Variants in GKAP1 observed in about 807,000 individuals in gnomAD.
GKAP1 encodes the protein G kinase anchoring protein 1, also known as G kinase-anchoring protein 1.
A neutral mutation model predicts 56.7 loss-of-function variants in GKAP1; 31 were observed. The ratio of observed to expected loss-of-function variants is 0.55; its 90% CI spans 0.41 to 0.74. GKAP1 has a LOEUF of 0.74. Ranked by LOEUF, GKAP1 falls within the 30% of genes least tolerant of loss-of-function variation. The pLI, the probability that GKAP1 is intolerant of heterozygous loss-of-function variation, is 0.00. For missense variants in GKAP1, 364 were observed against 402.3 expected, an observed-to-expected ratio of 0.90 and a Z score of 0.82; for synonymous variants, 151 against 138.6, an observed-to-expected ratio of 1.09 and a Z score of -0.63.
At chr9:83,765,660 G>A (rs1053456739) in intron 8 of GKAP1, among the ~76,000 whole-genome samples, 1 of 152,180 alleles carries the variant, frequency 6.6e-6, no homozygotes, top group African/African-American at 2.4e-5. Flanking sequence ...GCGAGATGTG[G>A]AGTCAAAGGA....
Position 83,768,917 on chromosome 9 carries a change from C to T in GKAP1, c.639G>A (p.Leu213=), listed in dbSNP as rs772334709. 1.9e-5 allele frequency: 30 copies of T among 1,609,912 alleles called. No homozygotes were observed. The highest frequency in any genetic ancestry group is 2.5e-5 in the Non-Finnish European group (30 of 1,177,418). Residue 213 remains leucine, a synonymous_variant, in exon 8 of 13, where the codon CTG becomes CTA. Transcript: ENST00000376371. ...LSHDGGFFNR[L]EDDVHKILIR... ...TAAGAATTTTATGAACATCATCTTC[C>T]AGTCTATTGAAGAATCCTCCATCAT...
intron 2 of GKAP1, 121 bp from the exon 3 acceptor site, chr9:83,806,681 G>A: frequency 3.4e-6 from 2 of 589,150 alleles, no homozygotes; most frequent in South Asian, 2.3e-5. Flanking sequence ...TAGTAAATTT[G>A]GATTAATACC....
chr9:83,794,532 AAG>A (rs1944212217), intron 4 of GKAP1, among the ~76,000 whole-genome samples: 1 of 152,218 alleles, frequency 6.6e-6, no homozygotes, highest in Non-Finnish European at 1.5e-5. Flanking sequence ...GATGTCACGT[AAG>A]AGAGAACTTG....
intron 6 of GKAP1, 106 bp downstream of exon 6, chr9:83,784,609 G>A (rs1944032972): frequency 6.0e-6 from 5 of 827,370 alleles, no homozygotes; most frequent in Non-Finnish European, 7.2e-6. Flanking sequence ...CATGATACAT[G>A]AATAACTTTT....
At chr9:83,777,983 T>C (rs539665648) in intron 7 of GKAP1, among the ~76,000 whole-genome samples, 15 of 152,286 alleles carry the variant, frequency 9.8e-5, no homozygotes, top group African/African-American at 3.6e-4. Flanking sequence ...AATTTCGGCA[T>C]ACTTTTAACA....
intron 12 of GKAP1, 24 bp from the exon 13 acceptor site, chr9:83,739,768 G>A (rs779007668): frequency 5.9e-6 from 9 of 1,516,528 alleles, no homozygotes; most frequent in Admixed American, 1.7e-5. Flanking sequence ...AAAAAATAGG[G>A]AAAATTATTT....
intron 11 of GKAP1, among the ~76,000 whole-genome samples, chr9:83,742,230 G>T (rs948619331): frequency 8.7e-5 from 13 of 149,876 alleles, no homozygotes; most frequent in African/African-American, 2.7e-4. Context: ...AGACAATAAG[G>T]ATGTGAAGGG....
intron 7 of GKAP1, among the ~76,000 whole-genome samples, chr9:83,775,959 T>C (rs1269364214): frequency 1.4e-5 from 2 of 147,624 alleles, no homozygotes; most frequent in East Asian, 2.0e-4. Context: ...TAATTAACAG[T>C]TTATAAGAAA....
chr9:83,811,448 T>TA (rs1204627622), intron 2 of GKAP1, among the ~76,000 whole-genome samples: 2 of 152,190 alleles, frequency 1.3e-5, no homozygotes, highest in Non-Finnish European at 2.9e-5. Flanking sequence ...CAATAGATAT[T>TA]AAACGTTTCT....
At chr9:83,790,744 G>A (rs867454746) in intron 4 of GKAP1, among the ~76,000 whole-genome samples, 5 of 151,858 alleles carry the variant, frequency 3.3e-5, no homozygotes, top group South Asian at 4.2e-4. Flanking sequence ...ACCCAGAGGC[G>A]GAGGTTGCAG....
At chr9:83,777,794 G>A (rs931180780) in intron 7 of GKAP1, among the ~76,000 whole-genome samples, 1 of 152,084 alleles carries the variant, frequency 6.6e-6, no homozygotes, top group Non-Finnish European at 1.5e-5. Context: ...AACAAAACTA[G>A]TTCATTTGTA....
chr9:83,745,532 TTTTATCAGTTA>T (rs1331646297), intron 10 of GKAP1, among the ~76,000 whole-genome samples: 1 of 152,226 alleles, frequency 6.6e-6, no homozygotes, highest in African/African-American at 2.4e-5. Flanking sequence ...GAGAGCAAGC[TTTTATCAGTTA>T]ACTTTCTCAA....
At chr9:83,770,241 C>G (rs764755847) in intron 7 of GKAP1, among the ~76,000 whole-genome samples, 6 of 152,136 alleles carry the variant, frequency 3.9e-5, no homozygotes, top group Non-Finnish European at 8.8e-5. Context: ...TTGCTTAACT[C>G]AAAAATTTAC....
chr9:83,761,339 T>C (rs1943567361), intron 8 of GKAP1, among the ~76,000 whole-genome samples: 1 of 151,818 alleles, frequency 6.6e-6, no homozygotes, highest in Non-Finnish European at 1.5e-5. Context: ...AATGGACAAA[T>C]TCCTAGACAC....
At chr9:83,767,966 C>T (rs951175618) in intron 8 of GKAP1, among the ~76,000 whole-genome samples, 6 of 152,180 alleles carry the variant, frequency 3.9e-5, no homozygotes, top group Non-Finnish European at 8.8e-5. Flanking sequence ...GGATTACAGA[C>T]GTGAGCTACC....
At chr9:83,797,398 G>A (rs1207282958) in intron 4 of GKAP1, among the ~76,000 whole-genome samples, 1 of 152,096 alleles carries the variant, frequency 6.6e-6, no homozygotes, top group East Asian at 1.9e-4. Flanking sequence ...TGTAAATGTA[G>A]CTACTTTTGA....
At chr9:83,798,749 C>G (rs1231383287) in intron 4 of GKAP1, among the ~76,000 whole-genome samples, 2 of 152,064 alleles carry the variant, frequency 1.3e-5, no homozygotes, top group East Asian at 3.9e-4. Flanking sequence ...CTCCTAGGCT[C>G]AAGCCATCCA....
intron 9 of GKAP1, among the ~76,000 whole-genome samples, chr9:83,751,575 A>G (rs528733135): frequency 4.1e-4 from 63 of 152,268 alleles, no homozygotes; most frequent in African/African-American, 1.5e-3. Context: ...AGGCATGAGT[A>G]GAAGAAGAAG....
intron 3 of GKAP1, among the ~76,000 whole-genome samples, chr9:83,802,421 G>A (rs925630351): frequency 2.0e-5 from 3 of 150,646 alleles, no homozygotes; most frequent in Middle Eastern, 3.4e-3. Context: ...AGAGGAGGTT[G>A]CAGTGAGCTG....
Sources: allele counts gnomAD v4.1 joint callset (sites outside exome capture counted in the v4.1 genomes callset), GRCh38; gene constraint gnomAD v4.1.1; transcripts MANE v1.5; gene names NCBI Gene and HGNC (gene_info 2026-07-23, HGNC 2026-07-21).